The following WDPCP variants were observed in gnomAD, a reference collection of about 807,000 sequenced individuals.
WDPCP encodes WD repeat containing planar cell polarity effector, also known as WD repeat-containing and planar cell polarity effector protein fritz homolog.
Under a neutral mutation model 93.1 loss-of-function variants are expected in WDPCP, and 71 were observed. The observed-to-expected ratio is 0.76, with a 90% CI of 0.63 to 0.93. The LOEUF (loss-of-function observed/expected upper bound fraction) is 0.93. Ranked by LOEUF, WDPCP falls within the 40% of genes least tolerant of loss-of-function variation. The pLI is 0.00. For synonymous variants in WDPCP, 315 were observed against 315.0 expected, an observed-to-expected ratio of 1.00 and a Z score of 0.00; for missense variants, 844 against 887.4, an observed-to-expected ratio of 0.95 and a Z score of 0.62.
the WDPCP span, among the ~76,000 whole-genome samples, chr2:63,837,627 T>C: frequency 3.9e-5 from 6 of 152,238 alleles, no homozygotes; most frequent in African/African-American, 1.4e-4. Context: ...TAACAATTCC[T>C]ACACCACTCC....
intron 1 of WDPCP, among the ~76,000 whole-genome samples, chr2:63,587,193 T>G (rs1197906140): frequency 6.6e-6 from 1 of 152,176 alleles, no homozygotes; most frequent in African/African-American, 2.4e-5. Context: ...TTTGAGAGTT[T>G]TTGACATTAA....
At chr2:63,269,446 C>A (rs554426977) in intron 13 of WDPCP, among the ~76,000 whole-genome samples, 1 of 152,068 alleles carries the variant, frequency 6.6e-6, no homozygotes, top group African/African-American at 2.4e-5. Context: ...CATGTAAGAT[C>A]TAAATAAAAA....
At chr2:63,452,426 C>T (rs959037589) in intron 6 of WDPCP, among the ~76,000 whole-genome samples, 3 of 152,166 alleles carry the variant, frequency 2.0e-5, no homozygotes, top group African/African-American at 7.2e-5. Flanking sequence ...CAAACCACTA[C>T]TCAACGAAAT....
At chr2:63,511,864 C>A (rs1449476546) in intron 1 of WDPCP, among the ~76,000 whole-genome samples, 1 of 152,084 alleles carries the variant, frequency 6.6e-6, no homozygotes, top group Non-Finnish European at 1.5e-5. Flanking sequence ...TAAAACACTA[C>A]AAGCAATTGC....
At position 63,577,528 on chromosome 2, in the gene WDPCP, G is replaced by A. The variant is rs1708199663; in HGVS notation, c.75+10669C>T. Among the ~76,000 whole-genome samples the A allele has an allele frequency of 2.0e-5, 3 of 152,014 alleles. No homozygotes were observed. The South Asian group carries it at 6.2e-4, about 31-fold the overall frequency. On this transcript the variant is annotated intron_variant, in intron 1 of 17. Coordinates refer to ENST00000272321, the MANE Select transcript of WDPCP (RefSeq NM_015910.7). ...AGAAATTAAATATTTTATGTAGACA[G>A]AAAAAGTAACATATCATTAAAGGAT...
chr2:63,266,025 A>G (rs903369331), intron 13 of WDPCP, among the ~76,000 whole-genome samples: 1 of 152,198 alleles, frequency 6.6e-6, no homozygotes, highest in Non-Finnish European at 1.5e-5. Flanking sequence ...TAAAGGCCAT[A>G]TATGATAAGC....
At chr2:63,293,429 T>C (rs1684593407) in intron 13 of WDPCP, among the ~76,000 whole-genome samples, 1 of 152,060 alleles carries the variant, frequency 6.6e-6, no homozygotes, top group South Asian at 2.1e-4. Context: ...AATCTGATTC[T>C]CAGTTACCAT....
At chr2:63,392,950 C>T (rs1693405262) in intron 10 of WDPCP, among the ~76,000 whole-genome samples, 1 of 152,160 alleles carries the variant, frequency 6.6e-6, no homozygotes, top group Non-Finnish European at 1.5e-5. Flanking sequence ...GGACTGTAAA[C>T]TGGTTCAACC....
chr2:63,380,888 C>T (rs1270163860), intron 11 of WDPCP, among the ~76,000 whole-genome samples: 1 of 152,078 alleles, frequency 6.6e-6, no homozygotes, highest in Non-Finnish European at 1.5e-5. Context: ...AATTATTCTT[C>T]TCTAAAATTA....
At chr2:63,778,490 A>G (rs1392880388) in intron 2 of WDPCP, among the ~76,000 whole-genome samples, 1 of 151,774 alleles carries the variant, frequency 6.6e-6, no homozygotes, top group Admixed American at 6.6e-5. Flanking sequence ...TACAGGCGTG[A>G]GCCACTGTGC....
At chr2:63,174,638 T>C in intron 15 of WDPCP, 32 bp downstream of exon 15, 1 of 1,612,648 alleles carries the variant, frequency 6.2e-7, no homozygotes, top group Non-Finnish European at 8.5e-7. Context: ...AAATACTTTA[T>C]GGAGCAATTT....
At chr2:63,582,328 T>C (rs1030207348) in intron 1 of WDPCP, among the ~76,000 whole-genome samples, 4 of 152,072 alleles carry the variant, frequency 2.6e-5, no homozygotes, top group African/African-American at 7.2e-5. Context: ...AAAACTGGTG[T>C]CCTTGAAAAC....
chr2:63,743,146 T>G (rs1669749393), intron 2 of WDPCP, among the ~76,000 whole-genome samples: 1 of 152,094 alleles, frequency 6.6e-6, no homozygotes, highest in Non-Finnish European at 1.5e-5. Context: ...CCCATTCCAG[T>G]GCTCTTTCTC....
At chr2:63,368,981 A>G (rs975371022) in intron 12 of WDPCP, 1 of 153,674 alleles carries the variant, frequency 6.5e-6, no homozygotes. Context: ...ATCTAACAAA[A>G]TTTTTCCTGG....
intron 12 of WDPCP, among the ~76,000 whole-genome samples, chr2:63,364,307 G>C (rs1009244382): frequency 3.3e-5 from 5 of 152,132 alleles, no homozygotes; most frequent in Non-Finnish European, 5.9e-5. Flanking sequence ...TCTCAACCGA[G>C]TATAATATTC....
intron 9 of WDPCP, among the ~76,000 whole-genome samples, chr2:63,413,278 A>G (rs895152198): frequency 2.6e-5 from 4 of 152,202 alleles, no homozygotes; most frequent in African/African-American, 4.8e-5. Context: ...GGAAAAGGAC[A>G]CCCTATTCAA....
chr2:63,172,773 G>C (rs529496816), intron 15 of WDPCP, among the ~76,000 whole-genome samples: 60 of 152,172 alleles, frequency 3.9e-4, no homozygotes, highest in Non-Finnish European at 7.8e-4. Flanking sequence ...TGGTACATCG[G>C]AGCATGGACT....
At chr2:63,365,793 T>G (rs774735288) in intron 12 of WDPCP, among the ~76,000 whole-genome samples, 2 of 152,192 alleles carry the variant, frequency 1.3e-5, no homozygotes, top group Non-Finnish European at 2.9e-5. Flanking sequence ...AGTTTCATTG[T>G]AAAAAATATA....
chr2:63,351,669 C>CATTG (rs1689624079), intron 12 of WDPCP, among the ~76,000 whole-genome samples: 1 of 152,104 alleles, frequency 6.6e-6, no homozygotes, highest in Non-Finnish European at 1.5e-5. Context: ...TCAAATTCAC[C>CATTG]ATTGATAGGC....
Sources: gnomAD v4.1 joint callset for allele counts (sites outside exome capture counted in the v4.1 genomes callset) on GRCh38, gnomAD v4.1.1 for gene constraint, MANE v1.5 for transcripts, NCBI Gene and HGNC (gene_info 2026-07-23, HGNC 2026-07-21) for gene names.